SCAMP4: variants seen among roughly 807,000 people sequenced by gnomAD.
SCAMP4 encodes the protein secretory carrier-associated membrane protein 4.
SCAMP4 carries 19 observed loss-of-function variants against 32.1 expected under a neutral mutation model. That is an observed-to-expected ratio of 0.59 (90% CI 0.41 to 0.87). The LOEUF (loss-of-function observed/expected upper bound fraction) is 0.87, where lower values mean the gene tolerates loss of function less well. Among genes scored for constraint, SCAMP4 ranks in the 40% least tolerant of loss-of-function variants. The pLI is 0.00. For missense variants in SCAMP4, 302 were observed against 309.0 expected, an observed-to-expected ratio of 0.98 and a Z score of 0.17; for synonymous variants, 152 against 132.7, an observed-to-expected ratio of 1.15 and a Z score of -1.00.
At chr19:1,905,661 G>C (rs1046217307) in intron 1 of SCAMP4, 1 of 158,796 alleles carries the variant, frequency 6.3e-6, no homozygotes, top group Non-Finnish European at 1.4e-5. Context: ...GCTGGCCTGG[G>C]GGAAGCCTCA....
chr19:1,919,285 G>A (rs996860186), intron 5 of SCAMP4: 15 of 1,260,902 alleles, frequency 1.2e-5, no homozygotes, highest in Non-Finnish European at 1.4e-5. Flanking sequence ...CCTGAGTGTT[G>A]ATCACACCCC....
Position 1,914,994 on chromosome 19 carries a change from A to G in SCAMP4, c.-26A>G, listed in dbSNP as rs756009356. 4.3e-5 allele frequency: 70 copies of G among 1,613,734 alleles called. No individual in the cohort carries two copies. The highest frequency in any genetic ancestry group is 5.4e-5 in the Non-Finnish European group (64 of 1,179,832). On this transcript the variant is annotated 5_prime_UTR_variant, in exon 2 of 7. Coordinates refer to ENST00000316097, the MANE Select transcript of SCAMP4 (RefSeq NM_079834.4). ...TTCCTTCCAGGCGGCTGCAGGCTTCAGCCTGCGCTGGTTGGTGAAACAGAG... is the reference window on the plus strand; with the variant it reads ...TTCCTTCCAGGCGGCTGCAGGCTTCGGCCTGCGCTGGTTGGTGAAACAGAG...
intron 5 of SCAMP4, chr19:1,921,600 C>T (rs756938762): frequency 1.2e-4 from 114 of 985,324 alleles, no homozygotes; most frequent in Middle Eastern, 5.2e-4. Context: ...TGGGAAGCTG[C>T]GGGGGCGGCG....
At chr19:1,912,454 T>C (rs771219226) in intron 1 of SCAMP4, 2 of 1,506,348 alleles carry the variant, frequency 1.3e-6, no homozygotes, top group South Asian at 1.2e-5. Context: ...CCCCGCGGCC[T>C]GGGGCAACCC....
intron 5 of SCAMP4, among the ~76,000 whole-genome samples, chr19:1,919,727 G>A (rs987079636): frequency 1.5e-4 from 22 of 151,204 alleles, no homozygotes; most frequent in African/African-American, 5.3e-4. Flanking sequence ...TCGAACTCCC[G>A]AGCTCAGGCA....
intron 1 of SCAMP4, chr19:1,913,142 C>T (rs370276587): frequency 2.4e-5 from 38 of 1,555,556 alleles, no homozygotes; most frequent in Non-Finnish European, 2.9e-5. Context: ...GGCTGGACCC[C>T]GACACGTAGG....
chr19:1,923,770 TACC>T (rs2013999445), intron 6 of SCAMP4, among the ~76,000 whole-genome samples: 8 of 120,354 alleles, frequency 6.6e-5, no homozygotes, highest in African/African-American at 2.4e-4. Flanking sequence ...AGGCGCCCGC[TACC>T]GCACCTGGCT....
intron 1 of SCAMP4, chr19:1,913,466 G>A (rs970138233): frequency 4.7e-5 from 22 of 465,738 alleles, no homozygotes; most frequent in South Asian, 4.6e-4. Flanking sequence ...CTGTTAGGAG[G>A]TGTGTGCCTT....
chr19:1,905,904 T>C (rs189365535), intron 1 of SCAMP4: 4 of 152,286 alleles, frequency 2.6e-5, no homozygotes, highest in Non-Finnish European at 5.9e-5. Flanking sequence ...ATCCCCAGAA[T>C]TGACCATCGT....
intron 5 of SCAMP4, chr19:1,919,401 A>G (rs1451504148): frequency 6.1e-6 from 6 of 985,274 alleles, no homozygotes; most frequent in Non-Finnish European, 7.2e-6. Flanking sequence ...TGGTGCTGTT[A>G]CCACACCTGA....
chr19:1,918,761 CAAA>C (rs376128461), intron 4 of SCAMP4, 125 bp from the exon 5 acceptor site: 6,644 of 1,113,744 alleles, frequency 6.0e-3, no homozygotes, highest in South Asian at 7.0e-3. Flanking sequence ...GACTCCATCT[CAAA>C]AAAAAAAAAA....
intron 5 of SCAMP4, chr19:1,921,087 A>G (rs954140903): frequency 6.1e-6 from 6 of 985,274 alleles, no homozygotes; most frequent in Admixed American, 1.2e-4. Flanking sequence ...ATCAAACCAC[A>G]GCGCACAGCG....
chr19:1,924,244 C>G lies in SCAMP4; in HGVS notation c.650C>G (p.Pro217Arg), dbSNP rs757210763. The G allele has an allele frequency of 4.5e-5, 72 of 1,604,164 alleles. No homozygotes were observed. Among genetic ancestry groups the G allele is most frequent in the Non-Finnish European group, 6.0e-5 (70 of 1,175,866 alleles). Reference sequence around the variant, plus strand: ...TCAGGCAACAGCCTGCCCGAGTACCCCACTGTGCCCAGCTACCCGGGCAGT... The same window carrying G: ...TCAGGCAACAGCCTGCCCGAGTACCGCACTGTGCCCAGCTACCCGGGCAGT... The part of the protein sequence containing the change: ...NFSGNSLPEY[P>R]TVPSYPGSGQ... Residue 217 changes from proline to arginine, a missense_variant, in exon 7 of 7, where the codon CCC becomes CGC. Pro to Arg is a moderately radical substitution (Grantham distance 103, BLOSUM62 -2). Coordinates refer to ENST00000316097, the MANE Select transcript of SCAMP4 (RefSeq NM_079834.4).
intron 1 of SCAMP4, chr19:1,912,865 C>A: frequency 4.4e-6 from 7 of 1,600,452 alleles, no homozygotes; most frequent in Non-Finnish European, 5.9e-6. Context: ...GCCGCTGCCC[C>A]CCAGGCCGTC....
At chr19:1,912,047 G>T in intron 1 of SCAMP4, 1 of 1,419,352 alleles carries the variant, frequency 7.0e-7, no homozygotes. Context: ...GCAGCCGCCG[G>T]ATGATCCTCT....
rs530314655 is a variant in SCAMP4, at chr19:1,921,888, C to T, written c.396-1182C>T. ...TGATGCTGTGGAGGCTCCAAGCAGGCGAACACAGGACAGGCCAGCATCTTG... is the reference window on the plus strand; with the variant it reads ...TGATGCTGTGGAGGCTCCAAGCAGGTGAACACAGGACAGGCCAGCATCTTG... On this transcript the variant is annotated intron_variant, in intron 5 of 6. Coordinates refer to ENST00000316097, the MANE Select transcript of SCAMP4 (RefSeq NM_079834.4). The T allele has an allele frequency of 3.8e-5, 37 of 985,280 alleles. No individual in the cohort carries two copies. In the Admixed American group the frequency reaches 8.0e-4, roughly 21 times the overall value. 61.0% of individuals were successfully genotyped at this position (985,280 alleles called of 1,614,324 possible).
chr19:1,924,416 C>A lies in SCAMP4; in HGVS notation c.*132C>A. ...GGATGGTGGAAGCCGGTGGTGGCCA[C>A]GGACCGCCCCCCTCCTGCCAGGGCC... On this transcript the variant is annotated 3_prime_UTR_variant, in exon 7 of 7. Transcript: ENST00000316097. 1 of 738,422 alleles carries A rather than the reference C, an allele frequency of 1.4e-6. No individual in the cohort carries two copies. The highest frequency in any genetic ancestry group is 2.2e-6 in the Non-Finnish European group (1 of 450,134). The allele number at this position is 738,422 out of a possible 1,614,324, so 45.7% of individuals were successfully genotyped here.
chr19:1,920,984 C>T (rs894932040), intron 5 of SCAMP4: 13 of 985,292 alleles, frequency 1.3e-5, no homozygotes, highest in African/African-American at 7.0e-5. Context: ...GCTGAGCATG[C>T]GGTCCCTGCC....
chr19:1,920,266 G>C (rs1454670085), intron 5 of SCAMP4: 1 of 985,454 alleles, frequency 1.0e-6, no homozygotes, highest in East Asian at 1.1e-4. Flanking sequence ...GGAGCCGTGG[G>C]TGCCTTTGGT....
Sources: allele counts gnomAD v4.1 joint callset (sites outside exome capture counted in the v4.1 genomes callset), GRCh38; gene constraint gnomAD v4.1.1; transcripts MANE v1.5; gene names NCBI Gene and HGNC (gene_info 2026-07-23, HGNC 2026-07-21).